Variants in CABP4 observed in about 807,000 individuals in gnomAD.
CABP4 encodes the protein calcium-binding protein 4.
CABP4 carries 30 observed loss-of-function variants against 30.7 expected under a neutral mutation model. That is an observed-to-expected ratio of 0.98 (90% confidence interval 0.73 to 1.33). The LOEUF (loss-of-function observed/expected upper bound fraction) is 1.33. CABP4 is among the 40% of genes most tolerant of loss of function. The pLI, the probability that CABP4 is intolerant of heterozygous loss-of-function variation, is 0.00. For synonymous variants in CABP4, 161 were observed against 159.2 expected (o/e 1.01, Z -0.08); for missense variants, 424 against 395.5 (o/e 1.07, Z -0.61).
chr11:67,452,892 T>C (rs1185513983), upstream of CABP4: 10 of 602,562 alleles, frequency 1.7e-5, no homozygotes, highest in East Asian at 2.5e-4. Flanking sequence ...GCCAAGGACT[T>C]GAAGTGGATG....
chr11:67,455,765 CCTG>C lies in CABP4; in HGVS notation c.345_347del (p.Leu116del). The C allele has an allele frequency of 1.9e-6, 3 of 1,586,028 alleles. No homozygotes were observed. In the East Asian group the frequency reaches 6.9e-5, roughly 36 times the overall value. On this transcript the variant is annotated inframe_deletion, in exon 1 of 6. Coordinates refer to ENST00000325656, the MANE Select transcript of CABP4 (RefSeq NM_145200.5). ...ACGCTGCTCAGAGGACATACGGGCC[CCTG>C]CTCAATCGAGTCTTCGGGAAGGTTA...
In CABP4 at chr11:67,458,405, C is replaced by A; in HGVS notation, c.686C>A (p.Ala229Glu). The change falls in exon 5 of 6, where the codon GCG (alanine) becomes GAG (glutamate). Residue 229 changes from alanine to glutamate, a missense_variant. Transcript: ENST00000325656. Reference sequence around the variant, plus strand: ...GACAGGGATGGACGAATTACGGTGGCGGAGCTGCGGGAGGCGGTACCGGCT... The same window carrying A: ...GACAGGGATGGACGAATTACGGTGGAGGAGCTGCGGGAGGCGGTACCGGCT... ...DRDRDGRITV[A>E]ELREAVPALL... The A allele has an allele frequency of 6.2e-7, 1 of 1,613,230 alleles. No homozygotes were observed. The highest frequency in any genetic ancestry group is 8.5e-7 in the Non-Finnish European group (1 of 1,179,428).
Position 67,460,514 on chromosome 11 carries a change from T to TAC in CABP4, c.*1856_*1857insCA, listed in dbSNP as rs533020503. On this transcript the variant is annotated 3_prime_UTR_variant, in exon 6 of 6. Coordinates refer to ENST00000325656, the MANE Select transcript of CABP4 (RefSeq NM_145200.5). Reference sequence around the variant, plus strand: ...TTAAAAAAATAAAGTATATTTTATATATACACACACACACACACACACACA... The same window carrying TAC: ...TTAAAAAAATAAAGTATATTTTATATACATACACACACACACACACACACACA... Among the ~76,000 whole-genome samples the TAC allele has an allele frequency of 0.082, 9,786 of 118,668 alleles. 401 individuals carry two copies. The highest frequency in any genetic ancestry group is 0.11 in the Non-Finnish European group (6,626 of 60,806). The allele number at this position is 118,668 out of a possible 152,430, so 77.9% of individuals were successfully genotyped here. A position where few individuals can be genotyped will look rare whatever the true frequency, so the allele number is the denominator to read the frequency against.
At chr11:67,452,421 C>T, upstream of CABP4, 1 of 1,612,612 alleles carries the variant, frequency 6.2e-7, no homozygotes, top group Non-Finnish European at 8.5e-7. Context: ...CGGCAGGCAG[C>T]TGTCCCCAGC....
chr11:67,458,253 A>G, intron 4 of CABP4, 118 bp from the exon 5 acceptor site: 2 of 839,746 alleles, frequency 2.4e-6, no homozygotes. Context: ...GCAAGACTCC[A>G]TCTCAAAAAA....
At chr11:67,456,538 T>C in intron 3 of CABP4, 96 bp downstream of exon 3, 1 of 1,464,872 alleles carries the variant, frequency 6.8e-7, no homozygotes, top group Non-Finnish European at 9.3e-7. Context: ...ATCGGGGTGC[T>C]AGTGGGAGTG....
At position 67,458,498 on chromosome 11, in the gene CABP4, ATGGCAC is replaced by A; in HGVS notation, c.780_785del (p.Gly261_Thr262del). ...CTCCGAGAAGTGGACCTCAATGGGG[ATGGCAC>A]CGTAGACTTTGACGGTGAGTCTCCT... On this transcript the variant is annotated inframe_deletion, in exon 5 of 6. Coordinates refer to ENST00000325656, the MANE Select transcript of CABP4 (RefSeq NM_145200.5). 1.2e-6 allele frequency: 2 copies of A among 1,613,824 alleles called. No individual in the cohort carries two copies. The highest frequency in any genetic ancestry group is 1.1e-5 in the South Asian group (1 of 91,054).
chr11:67,452,711 A>T, upstream of CABP4: 2 of 1,571,740 alleles, frequency 1.3e-6, no homozygotes, highest in Non-Finnish European at 1.7e-6. Context: ...GTCAGCTTCC[A>T]TGGTAGTGTC....
In CABP4 at chr11:67,456,430, A is replaced by G. The variant is rs1864802345; in HGVS notation, c.529A>G (p.Ile177Val). 6.2e-7 allele frequency: 1 copy of G among 1,611,348 alleles called. No individual in the cohort carries two copies. Among genetic ancestry groups the G allele is most frequent in the African/African-American group, 1.3e-5 (1 of 74,966 alleles). ...GGAGCTCCTGGAGGTCTCGCAGCAC[A>G]TCAAGATGCGCAGTCAGTCAGGGAG... ...EMELLEVSQHIKMRMGGRVDF... is the reference protein window; with the variant it reads ...EMELLEVSQHVKMRMGGRVDF... Residue 177 changes from isoleucine to valine, a missense_variant, in exon 3 of 6, where the codon ATC (isoleucine) becomes GTC (valine). Physicochemically the swap from Ile to Val is conservative, Grantham distance 29 (BLOSUM62 3). Transcript: ENST00000325656.
chr11:67,456,975 T>A (rs1423069557), intron 3 of CABP4, among the ~76,000 whole-genome samples: 1 of 152,176 alleles, frequency 6.6e-6, no homozygotes, highest in Non-Finnish European at 1.5e-5. Context: ...CTCAGACAAA[T>A]CTCATATTCA....
At chr11:67,452,565 C>A (rs1864600515), upstream of CABP4, 1 of 1,608,276 alleles carries the variant, frequency 6.2e-7, no homozygotes, top group African/African-American at 1.3e-5. Context: ...TGGGAGCCGG[C>A]CAGCCACGCC....
chr11:67,458,426 C>T lies in CABP4; in HGVS notation c.707C>T (p.Pro236Leu), dbSNP rs765914242. 1.5e-5 allele frequency: 24 copies of T among 1,613,652 alleles called. No individual in the cohort carries two copies. The highest frequency in any genetic ancestry group is 8.0e-5 in the African/African-American group (6 of 74,880). The change falls in exon 5 of 6, where the codon CCG becomes CTG. Residue 236 changes from proline to leucine, a missense_variant. Physicochemically the swap from Pro to Leu is moderately conservative, Grantham distance 98. Coordinates refer to ENST00000325656, the MANE Select transcript of CABP4 (RefSeq NM_145200.5). ...ITVAELREAV[P>L]ALLGEPLAGP... ...GTGGCGGAGCTGCGGGAGGCGGTAC[C>T]GGCTCTGCTCGGGGAGCCGCTGGCG...
At chr11:67,453,163 A>G (rs1295623077), upstream of CABP4, 2 of 157,264 alleles carry the variant, frequency 1.3e-5, no homozygotes, top group Non-Finnish European at 2.8e-5. Context: ...TGCACCCACT[A>G]CTTTTTAAAT....
Position 67,455,810 on chromosome 11 carries a change from G to A in CABP4, c.366+21G>A, listed in dbSNP as rs567519004. Reference sequence around the variant, plus strand: ...GGAAGGTTAGGTGGGACCTGGATTGGGCTGGGGGTCCTGGGGGTGGGGCTG... The same window carrying A: ...GGAAGGTTAGGTGGGACCTGGATTGAGCTGGGGGTCCTGGGGGTGGGGCTG... On this transcript the variant is annotated intron_variant, in intron 1 of 5. Transcript: ENST00000325656. The A allele has an allele frequency of 6.4e-6, 10 of 1,555,908 alleles. No homozygotes were observed. The African/African-American group carries it at 1.1e-4, about 17-fold the overall frequency.
Position 67,460,618 on chromosome 11 carries a change from C to T in CABP4, c.*1959C>T, listed in dbSNP as rs774271313. Among the ~76,000 whole-genome samples the T allele has an allele frequency of 1.3e-4, 19 of 151,614 alleles. No individual in the cohort carries two copies. The highest frequency in any genetic ancestry group is 2.4e-4 in the Non-Finnish European group (16 of 67,958). ...AATTTAAAGATTAATGAACTGGAAG[C>T]TATATCTAAGAAATCACTTATAATG... On this transcript the variant is annotated 3_prime_UTR_variant, in exon 6 of 6. Transcript: ENST00000325656.
chr11:67,456,031 G>A, intron 1 of CABP4, 157 bp from the exon 2 acceptor site: 1 of 1,397,058 alleles, frequency 7.2e-7, no homozygotes, highest in Non-Finnish European at 9.9e-7. Context: ...GAGCACAAAA[G>A]GGAGCTTGCT....
At position 67,457,686 on chromosome 11, in the gene CABP4, C is replaced by T. The variant is rs1297358257; in HGVS notation, c.651+4C>T. 23 of 1,573,458 alleles carry T rather than the reference C, an allele frequency of 1.5e-5. No homozygotes were observed. The highest frequency in any genetic ancestry group is 1.7e-4 in the Middle Eastern group (1 of 5,990). ...GCTGCGCATCGCCTTCCGAGAGGTGCGGAGTGTGGTGAGGTGGGCAGAGGG... is the reference window on the plus strand; with the variant it reads ...GCTGCGCATCGCCTTCCGAGAGGTGTGGAGTGTGGTGAGGTGGGCAGAGGG... On this transcript the variant is annotated splice_donor_region_variant and intron_variant, in intron 4 of 5. Coordinates refer to ENST00000325656, the MANE Select transcript of CABP4 (RefSeq NM_145200.5).
rs766971670 is a variant in CABP4, at chr11:67,460,986, GAAAA to G, written c.*2341_*2344del. On this transcript the variant is annotated 3_prime_UTR_variant, in exon 6 of 6. Transcript: ENST00000325656. ...GGCTACAGAGCGAGACTCCGTCTCG[GAAAA>G]AAAAAAAAAAAAAGGTCACTGGAAG... 1.2e-5 allele frequency among the ~76,000 whole-genome samples: 1 copy of G among 80,142 alleles called. No homozygotes were observed. The highest frequency in any genetic ancestry group is 2.2e-5 in the Non-Finnish European group (1 of 46,226). 52.6% of individuals were successfully genotyped at this position (80,142 alleles called of 152,430 possible).
At chr11:67,458,256 T>A in intron 4 of CABP4, 115 bp from the exon 5 acceptor site, 1 of 903,332 alleles carries the variant, frequency 1.1e-6, no homozygotes, top group Non-Finnish European at 1.4e-6. Flanking sequence ...AGACTCCATC[T>A]CAAAAAATAA....
Sources: allele counts gnomAD v4.1 joint callset (sites outside exome capture counted in the v4.1 genomes callset), GRCh38; gene constraint gnomAD v4.1.1; transcripts MANE v1.5; gene names NCBI Gene and HGNC (gene_info 2026-07-23, HGNC 2026-07-21).